Variants in AFG2A observed in about 807,000 individuals in gnomAD.
The protein encoded by AFG2A is AAA ATPase AFG2A.
At chr4:123,177,528 G>A in the AFG2A span, among the ~76,000 whole-genome samples, 1 of 151,942 alleles carries the variant, frequency 6.6e-6, no homozygotes, top group East Asian at 1.9e-4. Flanking sequence ...ATTTTTTTAG[G>A]AGTAAAGAGA....
chr4:123,103,024 T>A, the AFG2A span, among the ~76,000 whole-genome samples: 14 of 152,028 alleles, frequency 9.2e-5, no homozygotes, highest in African/African-American at 3.4e-4. Context: ...CATTTTGACT[T>A]CTCTGTTTTC....
the AFG2A span, among the ~76,000 whole-genome samples, chr4:123,034,571 G>A: frequency 4.1e-4 from 55 of 135,084 alleles, no homozygotes; most frequent in Non-Finnish European, 4.3e-4. Flanking sequence ...ATGCTGGAAT[G>A]AAAAAAAAAA....
At chr4:122,957,798 A>G in the AFG2A span, among the ~76,000 whole-genome samples, 1 of 152,180 alleles carries the variant, frequency 6.6e-6, no homozygotes, top group Admixed American at 6.5e-5. Flanking sequence ...CAATCATTAC[A>G]CTGATCTTAG....
At chr4:123,085,452 C>T in the AFG2A span, among the ~76,000 whole-genome samples, 7 of 152,196 alleles carry the variant, frequency 4.6e-5, no homozygotes, top group East Asian at 1.4e-3. Flanking sequence ...TTATATAATA[C>T]CCCTTTTGGT....
chr4:122,934,786 A>C, the AFG2A span: 1 of 1,518,564 alleles, frequency 6.6e-7, no homozygotes, highest in African/African-American at 1.4e-5. Context: ...AATTCAAATT[A>C]AAAGACAGTT....
the AFG2A span, among the ~76,000 whole-genome samples, chr4:122,956,717 G>A: frequency 6.6e-6 from 1 of 152,090 alleles, no homozygotes; most frequent in Admixed American, 6.6e-5. Flanking sequence ...TGCAAGCTCC[G>A]CCTATGAGGA....
At chr4:123,268,985 G>A in the AFG2A span, among the ~76,000 whole-genome samples, 1 of 152,148 alleles carries the variant, frequency 6.6e-6, no homozygotes, top group Admixed American at 6.6e-5. Context: ...AGACTAGTAG[G>A]TGAAAATTGA....
At chr4:123,091,759 A>G in the AFG2A span, among the ~76,000 whole-genome samples, 15,817 of 152,298 alleles carry the variant, frequency 0.1, 933 homozygotes, top group Middle Eastern at 0.2. Context: ...AAAGGAGTTC[A>G]GTAATTTAAG....
the AFG2A span, among the ~76,000 whole-genome samples, chr4:123,222,749 TTATC>T: frequency 6.6e-6 from 1 of 152,210 alleles, no homozygotes; most frequent in Non-Finnish European, 1.5e-5. Flanking sequence ...TTCTATGAAT[TTATC>T]TATTTTAGAT....
the AFG2A span, among the ~76,000 whole-genome samples, chr4:123,134,449 C>G: frequency 4.6e-5 from 7 of 152,068 alleles, no homozygotes; most frequent in Non-Finnish European, 1.0e-4. Context: ...CTGTCCTATT[C>G]CATTCGTTGA....
At chr4:123,253,774 C>G in the AFG2A span, among the ~76,000 whole-genome samples, 1 of 152,118 alleles carries the variant, frequency 6.6e-6, no homozygotes, top group Non-Finnish European at 1.5e-5. Flanking sequence ...GGTTTAACTT[C>G]TTAAGAAGCT....
the AFG2A span, among the ~76,000 whole-genome samples, chr4:122,926,728 T>A: frequency 2.4e-4 from 37 of 152,384 alleles, no homozygotes; most frequent in African/African-American, 8.7e-4. Flanking sequence ...GTGACATTTT[T>A]AAATTCTCTA....
chr4:123,138,879 A>T, the AFG2A span, among the ~76,000 whole-genome samples: 5 of 152,042 alleles, frequency 3.3e-5, no homozygotes, highest in Non-Finnish European at 7.4e-5. Context: ...AATAAATTCA[A>T]ATTTAGAAAC....
the AFG2A span, among the ~76,000 whole-genome samples, chr4:123,180,350 A>C: frequency 6.6e-6 from 1 of 152,162 alleles, no homozygotes; most frequent in Admixed American, 6.5e-5. Flanking sequence ...GACAGATTTC[A>C]TATTCATAGA....
the AFG2A span, among the ~76,000 whole-genome samples, chr4:123,063,200 G>C: frequency 0.022 from 3,298 of 152,154 alleles, 63 homozygotes; most frequent in Non-Finnish European, 0.036. Flanking sequence ...GAACACAATG[G>C]AAACTGATAA....
At chr4:123,123,209 C>CATT in the AFG2A span, among the ~76,000 whole-genome samples, 1 of 152,108 alleles carries the variant, frequency 6.6e-6, no homozygotes, top group Non-Finnish European at 1.5e-5. Flanking sequence ...CACTGGTAGT[C>CATT]AAATAGTGAT....
chr4:122,984,032 G>A, the AFG2A span, among the ~76,000 whole-genome samples: 15 of 152,158 alleles, frequency 9.9e-5, no homozygotes, highest in Non-Finnish European at 1.6e-4. Flanking sequence ...CAATGAGAAA[G>A]AGCCAGAAAA....
chr4:123,234,723 A>G, the AFG2A span, among the ~76,000 whole-genome samples: 1 of 152,098 alleles, frequency 6.6e-6, no homozygotes, highest in Non-Finnish European at 1.5e-5. Context: ...TGGCTTCTAC[A>G]ATGTAATTTC....
the AFG2A span, among the ~76,000 whole-genome samples, chr4:123,199,668 C>T: frequency 4.6e-5 from 7 of 151,792 alleles, no homozygotes; most frequent in South Asian, 2.1e-4. Context: ...GACGGGGTTT[C>T]GCCATGTTGG....
Sources: gnomAD v4.1 joint callset for allele counts (sites outside exome capture counted in the v4.1 genomes callset) on GRCh38, gnomAD v4.1.1 for gene constraint, MANE v1.5 for transcripts, NCBI Gene and HGNC (gene_info 2026-07-23, HGNC 2026-07-21) for gene names.